The following SOS1 variants were observed in gnomAD, a reference collection of about 807,000 sequenced individuals.
SOS1 encodes son of sevenless homolog 1.
SOS1 carries 25 observed loss-of-function variants against 157.6 expected under a neutral mutation model. The ratio of observed to expected loss-of-function variants is 0.16; its 90% CI spans 0.12 to 0.22. The LOEUF is 0.22. Among genes scored for constraint, SOS1 ranks in the 10% least tolerant of loss-of-function variants. The probability of loss-of-function intolerance (pLI) is 1.00; values close to 1 mark genes in which losing one functional copy is unlikely to be tolerated. For missense variants in SOS1, 1,237 were observed against 1,599.1 expected (o/e 0.77, Z 3.86); for synonymous variants, 528 against 534.0 (o/e 0.99, Z 0.16).
chr2:39,068,950 T>G (rs1213169028), intron 1 of SOS1, among the ~76,000 whole-genome samples: 1 of 152,084 alleles, frequency 6.6e-6, no homozygotes, highest in Non-Finnish European at 1.5e-5. Flanking sequence ...TGGATGAAAG[T>G]GCACAGTACT....
chr2:39,081,136 C>A (rs762218695), intron 1 of SOS1, among the ~76,000 whole-genome samples: 3 of 152,060 alleles, frequency 2.0e-5, no homozygotes, highest in Non-Finnish European at 4.4e-5. Flanking sequence ...GCACTCCAGC[C>A]TGGAGTGGCT....
chr2:39,123,769 T>C (rs188390406), upstream of SOS1, among the ~76,000 whole-genome samples: 53 of 152,346 alleles, frequency 3.5e-4, no homozygotes, highest in African/African-American at 1.2e-3. Flanking sequence ...GAATAAAATG[T>C]GCATGCAGGA....
In SOS1 at chr2:39,035,143, C is replaced by T. The variant is rs150487557; in HGVS notation, c.1074+69G>A. 183 of 992,942 alleles carry T rather than the reference C, an allele frequency of 1.8e-4. No homozygotes were observed. The African/African-American group carries it at 2.4e-3, about 13-fold the overall frequency. 61.5% of individuals were successfully genotyped at this position (992,942 alleles called of 1,614,324 possible). A position where few individuals can be genotyped will look rare whatever the true frequency, so the allele number is the denominator to read the frequency against. On this transcript the variant is annotated intron_variant, in intron 8 of 22. Transcript: ENST00000402219. ...TGCAGGGTACTCACACAATAATTTA[C>T]AAATGAAGTAGCAAAAAAAAAAATT...
chr2:39,116,274 C>CTT, intron 1 of SOS1, among the ~76,000 whole-genome samples: 1 of 152,196 alleles, frequency 6.6e-6, no homozygotes, highest in Non-Finnish European at 1.5e-5. Flanking sequence ...TCTATCCTGA[C>CTT]TAAAGACAAT....
In SOS1 at chr2:39,022,774, T is replaced by C. The variant is rs137852814; in HGVS notation, c.1654A>G (p.Arg552Gly). 1.9e-6 allele frequency: 3 copies of C among 1,613,760 alleles called. No individual in the cohort carries two copies. The highest frequency in any genetic ancestry group is 2.5e-6 in the Non-Finnish European group (3 of 1,179,698). ...ISLQYRSTLE[R>G]MLDVTMLQEE... ...TGTAGCATTGTTACATCAAGCATCC[T>C]TTCCAGTGTACTCCGGTACTGTAAA... Residue 552 changes from arginine (R) to glycine (G), a missense_variant, in exon 10 of 23, where the codon AGG becomes GGG. By Grantham distance (125) the Arg-to-Gly change is moderately radical (BLOSUM62 -2). This residue lies in a region of SOS1 where 210 missense variants were observed against 220.2 expected (regional missense o/e 0.95). Transcript: ENST00000402219.
rs372632130 is a variant in SOS1 at position 38,995,045 on chromosome 2, AT to A, written c.3346+77del. On this transcript the variant is annotated intron_variant, in intron 20 of 22. Coordinates refer to ENST00000402219, the MANE Select transcript of SOS1 (RefSeq NM_005633.4). The stretch of plus-strand genomic sequence containing the variant: ...ACTACAAGTTCACACATACAAAAAA[AT>A]AACAGAGATTCTTTTTTACCTCTAG... 168 of 1,260,804 alleles carry A rather than the reference AT, an allele frequency of 1.3e-4. 2 individuals carry two copies. The East Asian group carries it at 3.0e-3, about 22-fold the overall frequency. 78.1% of individuals were successfully genotyped at this position (1,260,804 alleles called of 1,614,324 possible).
chr2:39,083,557 A>T (rs1235745015), intron 1 of SOS1, among the ~76,000 whole-genome samples: 1 of 152,216 alleles, frequency 6.6e-6, no homozygotes, highest in Non-Finnish European at 1.5e-5. Flanking sequence ...TGAGGAGTAG[A>T]TGGGAGGAGA....
intron 1 of SOS1, among the ~76,000 whole-genome samples, chr2:39,115,404 C>T (rs12476766): frequency 0.014 from 1,396 of 97,464 alleles, 63 homozygotes; most frequent in East Asian, 0.12. Flanking sequence ...TTTGTTCTCT[C>T]TCTTTTTTTT....
intron 2 of SOS1, among the ~76,000 whole-genome samples, chr2:39,063,157 C>G (rs1318183566): frequency 2.0e-5 from 3 of 151,970 alleles, no homozygotes; most frequent in Non-Finnish European, 4.4e-5. Flanking sequence ...GGGTCTCACT[C>G]TGTCACCCAG....
At position 39,102,204 on chromosome 2, in the gene SOS1, C is replaced by CAAAA. The variant is rs58865034; in HGVS notation, c.87+18128_87+18131dup. Among the ~76,000 whole-genome samples the CAAAA allele has an allele frequency of 9.4e-3, 223 of 23,742 alleles. 68 individuals are homozygous for CAAAA. The highest frequency in any genetic ancestry group is 0.013 in the Non-Finnish European group (171 of 13,638). 15.6% of individuals were successfully genotyped at this position (23,742 alleles called of 152,430 possible). A position where few individuals can be genotyped will look rare whatever the true frequency, so the allele number is the denominator to read the frequency against. On this transcript the variant is annotated intron_variant, in intron 1 of 22. Coordinates refer to ENST00000402219, the MANE Select transcript of SOS1 (RefSeq NM_005633.4). ...CGGGTGACAGTGCGAGACTCTGTCT[C>CAAAA]AAAAAAAAAAAAAAAAAAAAAAAAA...
intron 1 of SOS1, among the ~76,000 whole-genome samples, chr2:39,110,043 T>TGG (rs1322644711): frequency 1.4e-5 from 2 of 142,954 alleles, no homozygotes; most frequent in African/African-American, 2.7e-5. Context: ...TGTGTGCGTG[T>TGG]GTGTGTGTGT....
intron 6 of SOS1, among the ~76,000 whole-genome samples, chr2:39,036,996 G>C (rs1338566514): frequency 2.6e-5 from 4 of 152,158 alleles, no homozygotes; most frequent in Non-Finnish European, 5.9e-5. Flanking sequence ...AGAAATGATT[G>C]AACAGTAATA....
chr2:39,044,227 C>G (rs532974588), intron 6 of SOS1, among the ~76,000 whole-genome samples: 1 of 152,134 alleles, frequency 6.6e-6, no homozygotes, highest in South Asian at 2.1e-4. Context: ...AGTGGTGGCA[C>G]AGTAATCTCA....
intron 2 of SOS1, among the ~76,000 whole-genome samples, chr2:39,065,535 C>G (rs1410994352): frequency 1.3e-5 from 2 of 152,166 alleles, no homozygotes; most frequent in Non-Finnish European, 2.9e-5. Context: ...ACAACTCTTT[C>G]TCTGATCTCA....
intron 6 of SOS1, among the ~76,000 whole-genome samples, chr2:39,045,168 C>T (rs1467479545): frequency 2.0e-5 from 3 of 151,468 alleles, no homozygotes; most frequent in African/African-American, 7.3e-5. Context: ...TTTCAATCCA[C>T]AGTCGGTTGA....
Position 38,990,030 on chromosome 2 carries a change from A to G in SOS1, c.3347-716T>C, listed in dbSNP as rs1668682132. 2.0e-5 allele frequency among the ~76,000 whole-genome samples: 3 copies of G among 152,112 alleles called. No homozygotes were observed. In the South Asian group the frequency reaches 6.2e-4, roughly 31 times the overall value. ...GAAAATTGAGACAAAAAGCTAGGTGATCTATACTGATTCTAAATCAATATA... is the reference window on the plus strand; with the variant it reads ...GAAAATTGAGACAAAAAGCTAGGTGGTCTATACTGATTCTAAATCAATATA... On this transcript the variant is annotated intron_variant, in intron 20 of 22. Transcript: ENST00000402219.
intron 4 of SOS1, among the ~76,000 whole-genome samples, 155 bp downstream of exon 4, chr2:39,056,547 A>T (rs1039356664): frequency 3.9e-5 from 6 of 152,210 alleles, no homozygotes; most frequent in Non-Finnish European, 8.8e-5. Context: ...CTAATGTCTT[A>T]TTTCTATAAA....
chr2:39,030,325 A>G (rs1316541615), intron 8 of SOS1, among the ~76,000 whole-genome samples: 1 of 151,084 alleles, frequency 6.6e-6, no homozygotes, highest in Non-Finnish European at 1.5e-5. Context: ...GCACTTTCGG[A>G]GGCCAATGTG....
chr2:38,995,591 T>A (rs1174547442), intron 19 of SOS1, among the ~76,000 whole-genome samples: 1 of 152,230 alleles, frequency 6.6e-6, no homozygotes, highest in African/African-American at 2.4e-5. Context: ...TGTTAAAGAA[T>A]GCATTTCTTT....
Sources: gnomAD v4.1 joint callset for allele counts (sites outside exome capture counted in the v4.1 genomes callset) on GRCh38, gnomAD v4.1.1 for gene constraint, gnomAD v4.1.1 regional missense constraint, MANE v1.5 for transcripts, NCBI Gene and HGNC (gene_info 2026-07-23, HGNC 2026-07-21) for gene names.